Variants in IP6K2 observed in about 807,000 individuals in gnomAD.
IP6K2 encodes the protein inositol hexakisphosphate kinase 2.
Under a neutral mutation model 43.3 loss-of-function variants are expected in IP6K2, and 9 were observed. The observed-to-expected ratio is 0.21, with a 90% CI of 0.13 to 0.36. The LOEUF (loss-of-function observed/expected upper bound fraction) is 0.36. IP6K2 is among the 10% of genes least tolerant of loss of function. The pLI, the probability that IP6K2 is intolerant of heterozygous loss-of-function variation, is 1.00. For synonymous variants in IP6K2, 209 were observed against 202.4 expected (o/e 1.03, Z -0.28); for missense variants, 332 against 538.4 (o/e 0.62, Z 3.79).
intron 1 of IP6K2, among the ~76,000 whole-genome samples, chr3:48,707,551 C>CA (rs2079949803): frequency 6.6e-6 from 1 of 152,186 alleles, no homozygotes; most frequent in Non-Finnish European, 1.5e-5. Flanking sequence ...TCTCCTGCCT[C>CA]AGACTTCCAA....
intron 2 of IP6K2, chr3:48,694,083 T>C: frequency 6.8e-7 from 1 of 1,472,052 alleles, no homozygotes; most frequent in Non-Finnish European, 9.0e-7. Context: ...GAATGCGTGC[T>C]CAGAGAGAGA....
chr3:48,716,723 T>A (rs1298329917), intron 1 of IP6K2, among the ~76,000 whole-genome samples: 1 of 152,118 alleles, frequency 6.6e-6, no homozygotes, highest in Non-Finnish European at 1.5e-5. Context: ...GCTGACTCCC[T>A]ATCCAAAGAT....
chr3:48,694,008 C>T, intron 2 of IP6K2: 67 of 1,383,170 alleles, frequency 4.8e-5, no homozygotes, highest in South Asian at 3.2e-4. Context: ...TGGCTGAACA[C>T]CTTTCCTCCC....
At chr3:48,694,945 C>CAGGAGGAGG in intron 2 of IP6K2, 145 bp downstream of exon 2, 4 of 1,568,246 alleles carry the variant, frequency 2.6e-6, no homozygotes, top group African/African-American at 1.4e-5. Context: ...GGCTGAGGGC[C>CAGGAGGAGG]AGGAGGAGGA....
intron 2 of IP6K2, chr3:48,694,044 A>C (rs2078030607): frequency 4.2e-6 from 6 of 1,432,618 alleles, no homozygotes; most frequent in Non-Finnish European, 5.5e-6. Flanking sequence ...AGCATCACTC[A>C]ATCTGCTCAG....
intron 1 of IP6K2, among the ~76,000 whole-genome samples, chr3:48,707,051 A>G (rs10865952): frequency 0.65 from 98,273 of 152,056 alleles, 32,549 homozygotes; most frequent in East Asian, 0.96. Flanking sequence ...TATGTTACAT[A>G]TATTTATATT....
chr3:48,715,445 G>C, intron 1 of IP6K2: 1 of 1,536,064 alleles, frequency 6.5e-7, no homozygotes, highest in Non-Finnish European at 8.7e-7. Flanking sequence ...TCAGTCAGTG[G>C]TTGCTCCTTC....
At chr3:48,702,726 T>G (rs2079203870) in intron 1 of IP6K2, among the ~76,000 whole-genome samples, 1 of 152,202 alleles carries the variant, frequency 6.6e-6, no homozygotes, top group South Asian at 2.1e-4. Flanking sequence ...TGACATACTC[T>G]ACGTTTCTTA....
intron 2 of IP6K2, chr3:48,694,706 G>A (rs2078124904): frequency 2.7e-6 from 4 of 1,504,972 alleles, no homozygotes; most frequent in Non-Finnish European, 3.5e-6. Flanking sequence ...AATTACCCGG[G>A]CTTCTGGTTT....
intron 1 of IP6K2, among the ~76,000 whole-genome samples, chr3:48,696,088 G>A (rs549387397): frequency 5.9e-5 from 9 of 151,858 alleles, no homozygotes; most frequent in Admixed American, 4.6e-4. Flanking sequence ...GTTTCACCAC[G>A]TTGGCTGGCA....
chr3:48,704,833 C>T (rs2079517797), intron 1 of IP6K2, among the ~76,000 whole-genome samples: 1 of 151,872 alleles, frequency 6.6e-6, no homozygotes, highest in African/African-American at 2.4e-5. Context: ...GGCTAGAGTG[C>T]ATGATCTCAC....
intron 1 of IP6K2, among the ~76,000 whole-genome samples, chr3:48,716,102 C>T (rs531153383): frequency 2.0e-5 from 3 of 152,290 alleles, no homozygotes; most frequent in African/African-American, 7.2e-5. Flanking sequence ...AACCCCACAG[C>T]AACAACCTAT....
At chr3:48,694,795 G>C in intron 2 of IP6K2, 2 of 1,536,018 alleles carry the variant, frequency 1.3e-6, no homozygotes, top group Non-Finnish European at 1.7e-6. Context: ...CCCCAGTGGG[G>C]GACTATGGGT....
Position 48,703,733 on chromosome 3 carries a change from C to T in IP6K2, c.-130-8312G>A, listed in dbSNP as rs149718880. Among the ~76,000 whole-genome samples the T allele has an allele frequency of 1.3e-4, 19 of 151,470 alleles. No homozygotes were observed. The East Asian group carries it at 3.3e-3, about 26-fold the overall frequency. On this transcript the variant is annotated intron_variant, in intron 1 of 5. Transcript: ENST00000328631. The stretch of plus-strand genomic sequence containing the variant: ...CTCTGTCTCAAAAAACAAAACAAAA[C>T]AAAACAAAAATATCTCTTGCTAACC...
At position 48,688,038 on chromosome 3, in the gene IP6K2, C is replaced by T; in HGVS notation, c.*235G>A. 1 of 568,888 alleles carries T rather than the reference C, an allele frequency of 1.8e-6. No homozygotes were observed. The highest frequency in any genetic ancestry group is 3.0e-5 in the Admixed American group (1 of 32,860). The allele number at this position is 568,888 out of a possible 1,614,324, so 35.2% of individuals were successfully genotyped here. On this transcript the variant is annotated 3_prime_UTR_variant, in exon 6 of 6. Coordinates refer to ENST00000328631, the MANE Select transcript of IP6K2 (RefSeq NM_016291.4). This position sits in a 1 kb window ranked among gnomAD's most constrained non-coding sequence, Gnocchi z 5.1. ...AAAAAGATTTGTATTAGAACATATA[C>T]ACTCAGGGAAGAAAGAGGTATCATC...
chr3:48,716,326 A>G (rs1304596360), intron 1 of IP6K2: 2 of 152,228 alleles, frequency 1.3e-5, no homozygotes. Flanking sequence ...TGTTCTGTGT[A>G]CATTCTGCTA....
At chr3:48,708,814 G>GT (rs1475657156) in intron 1 of IP6K2, among the ~76,000 whole-genome samples, 4 of 152,124 alleles carry the variant, frequency 2.6e-5, no homozygotes, top group African/African-American at 9.7e-5. Flanking sequence ...GCTCACACAC[G>GT]TGTAATCCTA....
intron 1 of IP6K2, among the ~76,000 whole-genome samples, chr3:48,712,077 G>A (rs190761779): frequency 6.6e-6 from 1 of 152,176 alleles, no homozygotes; most frequent in East Asian, 1.9e-4. Flanking sequence ...AAATGTGGCT[G>A]CAGCCTCAGC....
intron 2 of IP6K2, chr3:48,694,703 C>A (rs753759928): frequency 6.6e-7 from 1 of 1,504,274 alleles, no homozygotes; most frequent in Non-Finnish European, 8.8e-7. Context: ...CCTAATTACC[C>A]GGGCTTCTGG....
Sources: allele counts gnomAD v4.1 joint callset (sites outside exome capture counted in the v4.1 genomes callset), GRCh38; gene constraint gnomAD v4.1.1; non-coding constraint Gnocchi (gnomAD v3.1); transcripts MANE v1.5; gene names NCBI Gene and HGNC (gene_info 2026-07-23, HGNC 2026-07-21).